Variants in TRAPPC6A observed in about 807,000 individuals in gnomAD.
The protein encoded by TRAPPC6A is trafficking protein particle complex subunit 6A.
A neutral mutation model predicts 20.8 loss-of-function variants in TRAPPC6A; 25 were observed. That is an observed-to-expected ratio of 1.20 (90% CI 0.88 to 1.68). The LOEUF is 1.68. Ranked by LOEUF, TRAPPC6A falls within the 40% of genes most tolerant of loss-of-function variation. TRAPPC6A has a pLI of 0.00. For synonymous variants in TRAPPC6A, 96 were observed against 93.3 expected (o/e 1.03, Z -0.16); for missense variants, 215 against 211.6 (o/e 1.02, Z -0.10).
rs548262995 is a variant in TRAPPC6A, at chr19:45,177,678, T to G, written c.84+457A>C. Among the ~76,000 whole-genome samples, 29 of 152,290 alleles carry G rather than the reference T, an allele frequency of 1.9e-4. 1 individual carries two copies. In the South Asian group the frequency reaches 5.6e-3, roughly 29 times the overall value. On this transcript the variant is annotated intron_variant, in intron 1 of 5. Coordinates refer to ENST00000585934, the MANE Select transcript of TRAPPC6A (RefSeq NM_001270891.2). The stretch of plus-strand genomic sequence containing the variant: ...AATGTAAGCTTCACAAGGAAGGGAT[T>G]CTGTCTTAGAACGGTGCCTGGAATA...
intron 1 of TRAPPC6A, among the ~76,000 whole-genome samples, chr19:45,165,718 G>A (rs1004254745): frequency 1.9e-4 from 29 of 152,282 alleles, no homozygotes; most frequent in Middle Eastern, 3.4e-3. Flanking sequence ...GTGGAAGCTC[G>A]GGACAGGCAG....
At chr19:45,177,191 G>GCGCGCACACACA (rs61484972) in intron 1 of TRAPPC6A, among the ~76,000 whole-genome samples, 30 of 147,998 alleles carry the variant, frequency 2.0e-4, no homozygotes, top group African/African-American at 7.5e-4. Context: ...GCGCGTGCGC[G>GCGCGCACACACA]CACACACACA....
In TRAPPC6A at chr19:45,164,213, A is replaced by T. The variant is rs763407357; in HGVS notation, c.305T>A (p.Leu102His). ...TYVLQDNSFP[L>H]LLPMASGLQY... ...CAGGCCAGAGGCCATCGGGAGGAGG[A>T]GGGGGAAGCTGTTGTCTTGCAGGAC... The change falls in exon 4 of 6, where the codon CTC (leucine) becomes CAC (histidine). Residue 102 changes from leucine (L) to histidine (H), a missense_variant. Leu to His is a moderately conservative substitution (Grantham distance 99). Transcript: ENST00000585934. 1.2e-6 allele frequency: 2 copies of T among 1,609,156 alleles called. No homozygotes were observed. Among genetic ancestry groups the T allele is most frequent in the Non-Finnish European group, 1.7e-6 (2 of 1,177,760 alleles).
chr19:45,163,351 C>T lies in TRAPPC6A; in HGVS notation c.449-128G>A, dbSNP rs1477453712. The T allele has an allele frequency of 1.2e-5, 12 of 1,003,764 alleles. No homozygotes were observed. Among genetic ancestry groups the T allele is most frequent in the East Asian group, 2.6e-5 (1 of 38,558 alleles). 62.2% of individuals were successfully genotyped at this position (1,003,764 alleles called of 1,614,324 possible). A position where few individuals can be genotyped will look rare whatever the true frequency, so the allele number is the denominator to read the frequency against. On this transcript the variant is annotated intron_variant, in intron 5 of 5. Transcript: ENST00000585934. This position sits in a 1 kb window ranked among gnomAD's most constrained non-coding sequence, Gnocchi z 5.3. Reference sequence around the variant, plus strand: ...GTGGCTAGGTTGGGCTGTTTCCTCCCGCCCACGGGGCCGCATCCCTGAGCT... The same window carrying T: ...GTGGCTAGGTTGGGCTGTTTCCTCCTGCCCACGGGGCCGCATCCCTGAGCT...
rs1430293471 is a variant in TRAPPC6A, at chr19:45,177,189, G to GCACACACA, written c.84+945_84+946insTGTGTGTG. On this transcript the variant is annotated intron_variant, in intron 1 of 5. Transcript: ENST00000585934. ...GGGCGACCGAGCAGGATGCGCGTGC[G>GCACACACA]CGCACACACACACACACACACACAC... 2.1e-3 allele frequency among the ~76,000 whole-genome samples: 208 copies of GCACACACA among 97,486 alleles called. 1 individual carries two copies. The highest frequency in any genetic ancestry group is 9.2e-3 in the African/African-American group (188 of 20,366). The allele number at this position is 97,486 out of a possible 152,430, so 64.0% of individuals were successfully genotyped here.
intron 1 of TRAPPC6A, among the ~76,000 whole-genome samples, chr19:45,168,288 C>G (rs1969201997): frequency 6.6e-6 from 1 of 152,132 alleles, no homozygotes; most frequent in Non-Finnish European, 1.5e-5. Flanking sequence ...TAGGCGTGAG[C>G]CACCGCGCCC....
intron 1 of TRAPPC6A, among the ~76,000 whole-genome samples, chr19:45,168,876 G>C (rs1969213767): frequency 6.6e-6 from 1 of 152,222 alleles, no homozygotes; most frequent in African/African-American, 2.4e-5. Flanking sequence ...ACGGAGGTGA[G>C]GAGCGCTGGG....
Position 45,172,950 on chromosome 19 carries a change from A to ACGGTGTTC in TRAPPC6A, c.84+5177_84+5184dup, listed in dbSNP as rs1346411046. ...GAGCTCCCAGCCACAGATGCTCAGGACGGTGTTCCGGGCAGGGACCTATCT... is the reference window on the plus strand; with the variant it reads ...GAGCTCCCAGCCACAGATGCTCAGGACGGTGTTCCGGTGTTCCGGGCAGGGACCTATCT... On this transcript the variant is annotated intron_variant, in intron 1 of 5. Transcript: ENST00000585934. The surrounding 1 kb of genome is among the most constrained non-coding windows in gnomAD (Gnocchi z 4.2). 6.6e-6 allele frequency among the ~76,000 whole-genome samples: 1 copy of ACGGTGTTC among 151,528 alleles called. No homozygotes were observed. Among genetic ancestry groups the ACGGTGTTC allele is most frequent in the Non-Finnish European group, 1.5e-5 (1 of 68,008 alleles).
chr19:45,168,892 C>CG (rs1004566722), intron 1 of TRAPPC6A, among the ~76,000 whole-genome samples: 1 of 152,040 alleles, frequency 6.6e-6, no homozygotes, highest in Non-Finnish European at 1.5e-5. Flanking sequence ...CTGGGAATGG[C>CG]GGGGGGGCCT....
chr19:45,164,811 C>T (rs1418893586), intron 3 of TRAPPC6A, 42 bp downstream of exon 3: 14 of 1,576,758 alleles, frequency 8.9e-6, no homozygotes, highest in Non-Finnish European at 1.2e-5. Context: ...CTTGGTCTTG[C>T]CCTCAGGAGG....
chr19:45,163,209 C>A lies in TRAPPC6A; in HGVS notation c.463G>T (p.Val155Leu). The A allele has an allele frequency of 6.2e-7, 1 of 1,613,916 alleles. No individual in the cohort carries two copies. Among genetic ancestry groups the A allele is most frequent in the Non-Finnish European group, 8.5e-7 (1 of 1,179,876 alleles). The change falls in exon 6 of 6, where the codon GTG becomes TTG. Residue 155 changes from valine (V) to leucine (L), a missense_variant. Physicochemically the swap from Val to Leu is conservative, Grantham distance 32. Transcript: ENST00000585934. The surrounding 1 kb of genome is among the most constrained non-coding windows in gnomAD (Gnocchi z 5.3). ...AGGCAGGCTTAGGATTTCGGAATCA[C>A]CACCTGGAACTTACCTGGAAGAGAA... ...AALPVCKFQV[V>L]IPKS
intron 1 of TRAPPC6A, among the ~76,000 whole-genome samples, chr19:45,168,072 G>A (rs1325222622): frequency 7.2e-6 from 1 of 139,470 alleles, no homozygotes; most frequent in African/African-American, 2.7e-5. Flanking sequence ...GCGCAATCTC[G>A]GCTCACTGCA....
At chr19:45,177,191 G>GCA (rs57127361) in intron 1 of TRAPPC6A, among the ~76,000 whole-genome samples, 20,459 of 147,804 alleles carry the variant, frequency 0.14, 1,492 homozygotes, top group African/African-American at 0.19. Context: ...GCGCGTGCGC[G>GCA]CACACACACA....
Position 45,165,208 on chromosome 19 carries a change from G to A in TRAPPC6A, c.85-14C>T. ...CATCTTCTGTCCCTAGAAGGCCAGG[G>A]GAGAGATGCTCAGGGGCCCTTAGCC... On this transcript the variant is annotated splice_polypyrimidine_tract_variant and intron_variant, in intron 1 of 5. Coordinates refer to ENST00000585934, the MANE Select transcript of TRAPPC6A (RefSeq NM_001270891.2). 6.3e-7 allele frequency: 1 copy of A among 1,588,178 alleles called. No homozygotes were observed. The highest frequency in any genetic ancestry group is 8.6e-7 in the Non-Finnish European group (1 of 1,167,692).
Position 45,178,154 on chromosome 19 carries a change from T to C in TRAPPC6A, c.65A>G (p.Asp22Gly), listed in dbSNP as rs1159202246. 6.2e-7 allele frequency: 1 copy of C among 1,612,982 alleles called. No individual in the cohort carries two copies. Among genetic ancestry groups the C allele is most frequent in the East Asian group, 2.2e-5 (1 of 44,794 alleles). The change falls in exon 1 of 6, where the codon GAC becomes GGC. Residue 22 changes from aspartate (D) to glycine (G), a missense_variant. By Grantham distance (94) the Asp-to-Gly change is moderately conservative. Transcript: ENST00000585934. ...TEMVAELWAH[D>G]PDPGPGGQKM... Reference sequence around the variant, plus strand: ...GCTCACCCCCGGGCCGGGGTCGGGGTCGTGAGCCCACAGCTCAGCCACCAT... The same window carrying C: ...GCTCACCCCCGGGCCGGGGTCGGGGCCGTGAGCCCACAGCTCAGCCACCAT...
rs1034027316 is a variant in TRAPPC6A, at chr19:45,164,074, C to G, written c.355-65G>C. ...GGCCAGCACCCGAGGTCTGGGGCAC[C>G]CCTTAGGCCTGGGGAAAGGCCTGAT... On this transcript the variant is annotated intron_variant, in intron 4 of 5. Coordinates refer to ENST00000585934, the MANE Select transcript of TRAPPC6A (RefSeq NM_001270891.2). The G allele has an allele frequency of 9.7e-6, 15 of 1,548,532 alleles. No homozygotes were observed. The African/African-American group carries it at 1.4e-4, about 14-fold the overall frequency.
rs376123706 is a variant in TRAPPC6A, at chr19:45,164,426, TGG to T, written c.271-181_271-180del. Among the ~76,000 whole-genome samples the T allele has an allele frequency of 2.6e-3, 399 of 152,156 alleles. 3 individuals are homozygous for T. The highest frequency in any genetic ancestry group is 9.4e-3 in the African/African-American group (389 of 41,506). Reference sequence around the variant, plus strand: ...TGGTAGGGCCCAGGGCTTCCAAACTTGGAGTGGGTGCCTGTGCCCTGGGGAGT... The same window carrying T: ...TGGTAGGGCCCAGGGCTTCCAAACTTAGTGGGTGCCTGTGCCCTGGGGAGT... On this transcript the variant is annotated intron_variant, in intron 3 of 5. Transcript: ENST00000585934.
In TRAPPC6A at chr19:45,178,204, C is replaced by T. The variant is rs774289224; in HGVS notation, c.15G>A (p.Val5=). The T allele has an allele frequency of 3.2e-5, 52 of 1,607,982 alleles. No homozygotes were observed. Among genetic ancestry groups the T allele is most frequent in the Non-Finnish European group, 4.1e-5 (48 of 1,175,658 alleles). The change falls in exon 1 of 6, where the codon GTG becomes GTA. Residue 5 remains valine, a synonymous_variant. Transcript: ENST00000585934. Reference sequence around the variant, plus strand: ...TCTCCGTGTGAAGAAACTCAAACAACACAGTATCCGCCATGCCCCCTCCTC... The same window carrying T: ...TCTCCGTGTGAAGAAACTCAAACAATACAGTATCCGCCATGCCCCCTCCTC... MADT[V]LFEFLHTEMV... is the part of the protein sequence containing the mutation.
chr19:45,168,467 ACACT>A (rs1347094168), intron 1 of TRAPPC6A, among the ~76,000 whole-genome samples: 1 of 152,222 alleles, frequency 6.6e-6, no homozygotes, highest in African/African-American at 2.4e-5. Context: ...ACACGGGCCC[ACACT>A]CACTCACACT....
Sources: allele counts gnomAD v4.1 joint callset (sites outside exome capture counted in the v4.1 genomes callset), GRCh38; gene constraint gnomAD v4.1.1; non-coding constraint Gnocchi (gnomAD v3.1); transcripts MANE v1.5; gene names NCBI Gene and HGNC (gene_info 2026-07-23, HGNC 2026-07-21).